Variants in DGKI observed in about 807,000 individuals in gnomAD.
DGKI encodes the protein diacylglycerol kinase iota.
DGKI carries 55 observed loss-of-function variants against 147.5 expected under a neutral mutation model. That is an observed-to-expected ratio of 0.37 (90% confidence interval 0.30 to 0.47). The LOEUF (loss-of-function observed/expected upper bound fraction) is 0.47. Ranked by LOEUF, DGKI falls within the 20% of genes least tolerant of loss-of-function variation. DGKI has a pLI of 1.00. For missense variants in DGKI, 1,007 were observed against 1,323.8 expected, an observed-to-expected ratio of 0.76 and a Z score of 3.71; for synonymous variants, 469 against 477.1, an observed-to-expected ratio of 0.98 and a Z score of 0.22.
chr7:137,566,296 A>T (rs1818582860), intron 19 of DGKI, among the ~76,000 whole-genome samples: 1 of 152,160 alleles, frequency 6.6e-6, no homozygotes, highest in Non-Finnish European at 1.5e-5. Flanking sequence ...CTTCCTTAGA[A>T]ATATAAGCAA....
chr7:137,831,579 C>A (rs1798220879), intron 1 of DGKI, among the ~76,000 whole-genome samples: 1 of 152,196 alleles, frequency 6.6e-6, no homozygotes, highest in Admixed American at 6.5e-5. Flanking sequence ...CAATTACCTC[C>A]CATCGGGCTC....
intron 6 of DGKI, among the ~76,000 whole-genome samples, chr7:137,643,257 C>T (rs1253854762): frequency 8.2e-6 from 1 of 121,894 alleles, no homozygotes; most frequent in Non-Finnish European, 1.6e-5. Flanking sequence ...CGCCACTGCA[C>T]TCCAACCTGG....
At chr7:137,496,987 C>T (rs1815989471) in intron 21 of DGKI, among the ~76,000 whole-genome samples, 1 of 151,814 alleles carries the variant, frequency 6.6e-6, no homozygotes, top group African/African-American at 2.4e-5. Flanking sequence ...AGCTTCTGCA[C>T]AGCAAGAGAA....
intron 2 of DGKI, 149 bp downstream of exon 2, chr7:137,689,745 T>A (rs1372175043): frequency 4.4e-6 from 2 of 458,754 alleles, no homozygotes; most frequent in Non-Finnish European, 7.6e-6. Flanking sequence ...AGTTTGAAAA[T>A]GGAGCTACAG....
intron 11 of DGKI, among the ~76,000 whole-genome samples, chr7:137,599,258 C>G (rs1424770206): frequency 6.6e-6 from 1 of 152,138 alleles, no homozygotes; most frequent in Admixed American, 6.5e-5. Flanking sequence ...TTAAACACTT[C>G]TAACAAAAGC....
intron 3 of DGKI, among the ~76,000 whole-genome samples, chr7:137,674,571 C>T (rs1467561642): frequency 6.6e-6 from 1 of 152,020 alleles, no homozygotes; most frequent in Non-Finnish European, 1.5e-5. Context: ...CTTCCTAAGC[C>T]CACCAGTATT....
At chr7:137,813,056 C>G (rs180762459) in intron 1 of DGKI, among the ~76,000 whole-genome samples, 6 of 152,228 alleles carry the variant, frequency 3.9e-5, no homozygotes, top group African/African-American at 1.2e-4. Flanking sequence ...GATATGCAAC[C>G]AGAAGGAAGG....
intron 28 of DGKI, among the ~76,000 whole-genome samples, chr7:137,424,682 C>T (rs561858118): frequency 2.0e-5 from 3 of 152,196 alleles, no homozygotes; most frequent in Non-Finnish European, 4.4e-5. Flanking sequence ...GTCACTCCCA[C>T]CCTAATACTG....
At chr7:137,626,201 A>G (rs1820934605) in intron 6 of DGKI, among the ~76,000 whole-genome samples, 1 of 152,090 alleles carries the variant, frequency 6.6e-6, no homozygotes, top group Admixed American at 6.6e-5. Context: ...CTAGTGAATC[A>G]CTGAACCTGG....
At chr7:137,677,540 G>C (rs758856782) in intron 3 of DGKI, among the ~76,000 whole-genome samples, 88 of 152,268 alleles carry the variant, frequency 5.8e-4, no homozygotes, top group East Asian at 3.9e-4. Context: ...AAAAGGTCTT[G>C]GTTCTGGGAC....
chr7:137,831,007 C>T (rs980033347), intron 1 of DGKI, among the ~76,000 whole-genome samples: 1 of 152,124 alleles, frequency 6.6e-6, no homozygotes, highest in Non-Finnish European at 1.5e-5. Flanking sequence ...ACAAGAAAAT[C>T]ACAAAAAGGA....
chr7:137,823,583 T>C (rs917866070), intron 1 of DGKI, among the ~76,000 whole-genome samples: 1 of 152,156 alleles, frequency 6.6e-6, no homozygotes, highest in Non-Finnish European at 1.5e-5. Context: ...CTTCTTAAAA[T>C]TGTTTGTTCC....
At chr7:137,816,237 T>C (rs1797734214) in intron 1 of DGKI, among the ~76,000 whole-genome samples, 1 of 152,188 alleles carries the variant, frequency 6.6e-6, no homozygotes, top group Non-Finnish European at 1.5e-5. Flanking sequence ...AAAAAGCATG[T>C]GTGAATAAAC....
chr7:137,451,226 C>T (rs115760676), intron 27 of DGKI, among the ~76,000 whole-genome samples: 4,910 of 152,226 alleles, frequency 0.032, 300 homozygotes, highest in African/African-American at 0.11. Context: ...TCCTCTGGAA[C>T]GGAGTGTTGT....
intron 3 of DGKI, among the ~76,000 whole-genome samples, chr7:137,670,959 A>G (rs1480277802): frequency 2.6e-5 from 4 of 152,324 alleles, no homozygotes; most frequent in Non-Finnish European, 5.9e-5. Context: ...AGATGGCCAG[A>G]AAGTCCCCAG....
At chr7:137,479,768 C>T (rs576105128) in intron 23 of DGKI, among the ~76,000 whole-genome samples, 34 of 152,266 alleles carry the variant, frequency 2.2e-4, no homozygotes, top group African/African-American at 7.7e-4. Context: ...AATCACCTTA[C>T]TTTTAAATTT....
intron 1 of DGKI, chr7:137,722,927 T>C (rs1248850668): frequency 3.2e-6 from 2 of 628,300 alleles, no homozygotes; most frequent in African/African-American, 3.7e-5. Context: ...AGTGGTGAAG[T>C]GCACAGGCTC....
At chr7:137,518,276 G>A (rs1340211144) in intron 21 of DGKI, among the ~76,000 whole-genome samples, 2 of 152,102 alleles carry the variant, frequency 1.3e-5, no homozygotes, top group African/African-American at 4.8e-5. Context: ...TTACAGATGA[G>A]AGATTTGATC....
intron 1 of DGKI, chr7:137,722,307 T>G: frequency 6.2e-7 from 1 of 1,612,768 alleles, no homozygotes; most frequent in Non-Finnish European, 8.5e-7. Flanking sequence ...CCCGGGTGGT[T>G]AAACTTCGCA....
Sources: allele counts gnomAD v4.1 joint callset (sites outside exome capture counted in the v4.1 genomes callset), GRCh38; gene constraint gnomAD v4.1.1; transcripts MANE v1.5; gene names NCBI Gene and HGNC (gene_info 2026-07-23, HGNC 2026-07-21).